Variants in CYP2C19 observed in about 807,000 individuals in gnomAD.
The protein encoded by CYP2C19 is cytochrome P450 2C19.
CYP2C19 carries 59 observed loss-of-function variants against 40.9 expected under a neutral mutation model. That is an observed-to-expected ratio of 1.44 (90% CI 1.17 to 1.79). The LOEUF (loss-of-function observed/expected upper bound fraction) is 1.79. CYP2C19 is among the 40% of genes most tolerant of loss of function. The probability of loss-of-function intolerance (pLI) is 0.00; values close to 1 mark genes in which losing one functional copy is unlikely to be tolerated. For synonymous variants in CYP2C19, 253 were observed against 208.7 expected, an observed-to-expected ratio of 1.21 and a Z score of -1.83; for missense variants, 754 against 596.9, an observed-to-expected ratio of 1.26 and a Z score of -2.74.
intron 5 of CYP2C19, among the ~76,000 whole-genome samples, chr10:94,788,884 A>G (rs1209807935): frequency 6.6e-6 from 1 of 152,176 alleles, no homozygotes; most frequent in Admixed American, 6.5e-5. Context: ...TGCTGGGTCA[A>G]ATGTTATTTC....
intron 5 of CYP2C19, among the ~76,000 whole-genome samples, chr10:94,813,468 G>A (rs1848956063): frequency 6.6e-6 from 1 of 152,006 alleles, no homozygotes; most frequent in Non-Finnish European, 1.5e-5. Context: ...GTCTTTCACA[G>A]ATGCAACTGC....
chr10:94,851,443 CAAATAAATAAAT>C (rs71031598), intron 8 of CYP2C19, among the ~76,000 whole-genome samples: 45,855 of 142,944 alleles, frequency 0.32, 8,503 homozygotes, highest in Admixed American at 0.45. Context: ...TACCAGCACA[CAAATAAATAAAT>C]AAATAAATAA....
chr10:94,768,356 T>C (rs1288814349), intron 1 of CYP2C19, among the ~76,000 whole-genome samples: 5 of 152,078 alleles, frequency 3.3e-5, no homozygotes, highest in African/African-American at 1.2e-4. Context: ...CTTCGGTATA[T>C]AGGTTAAGGT....
At chr10:94,837,690 G>A (rs532309978) in intron 6 of CYP2C19, among the ~76,000 whole-genome samples, 1 of 152,274 alleles carries the variant, frequency 6.6e-6, no homozygotes, top group East Asian at 1.9e-4. Flanking sequence ...GTAAGACTGA[G>A]AAGGTTGCAC....
chr10:94,763,409 C>G (rs1329015496), intron 1 of CYP2C19, among the ~76,000 whole-genome samples: 1 of 151,976 alleles, frequency 6.6e-6, no homozygotes, highest in African/African-American at 2.4e-5. Flanking sequence ...TTTAATTAAG[C>G]TATAGCTACA....
At chr10:94,771,552 G>A (rs559176938) in intron 1 of CYP2C19, among the ~76,000 whole-genome samples, 8 of 152,202 alleles carry the variant, frequency 5.3e-5, no homozygotes, top group African/African-American at 1.9e-4. Context: ...AGGCCATAGT[G>A]CAGAAAAAAA....
chr10:94,852,207 G>T (rs1337257184), intron 8 of CYP2C19, among the ~76,000 whole-genome samples: 1 of 151,616 alleles, frequency 6.6e-6, no homozygotes, highest in African/African-American at 2.4e-5. Context: ...TTATCCCATA[G>T]GACAGACAGG....
chr10:94,821,326 T>C (rs1305233645), intron 6 of CYP2C19, among the ~76,000 whole-genome samples: 1 of 152,196 alleles, frequency 6.6e-6, no homozygotes, highest in Admixed American at 6.5e-5. Context: ...TTGTTAAAGA[T>C]AATTTTTCTC....
chr10:94,822,521 A>G (rs1031383433), intron 6 of CYP2C19, among the ~76,000 whole-genome samples: 3 of 152,166 alleles, frequency 2.0e-5, no homozygotes, highest in Admixed American at 1.3e-4. Flanking sequence ...TGTGAATAGC[A>G]CTACAGTGAA....
intron 1 of CYP2C19, 146 bp from the exon 2 acceptor site, chr10:94,774,912 A>C (rs922841859): frequency 2.4e-6 from 2 of 844,570 alleles, no homozygotes; most frequent in East Asian, 5.3e-5. Context: ...AATCATCATC[A>C]TGTTTATATA....
chr10:94,838,732 T>G (rs1849444422), intron 6 of CYP2C19, among the ~76,000 whole-genome samples: 1 of 152,118 alleles, frequency 6.6e-6, no homozygotes, highest in South Asian at 2.1e-4. Flanking sequence ...CTGTAGGGCA[T>G]AAATCACACT....
intron 1 of CYP2C19, among the ~76,000 whole-genome samples, chr10:94,765,643 G>T (rs1453049286): frequency 6.6e-6 from 1 of 152,094 alleles, no homozygotes; most frequent in Non-Finnish European, 1.5e-5. Flanking sequence ...TACTAGTGGT[G>T]GGGGAGCTGC....
intron 6 of CYP2C19, among the ~76,000 whole-genome samples, chr10:94,824,162 A>G (rs1481844728): frequency 1.3e-5 from 2 of 152,226 alleles, no homozygotes; most frequent in Admixed American, 6.5e-5. Context: ...TTACCAGAGA[A>G]CCATATTTAT....
At chr10:94,826,869 G>A (rs1442718464) in intron 6 of CYP2C19, among the ~76,000 whole-genome samples, 1 of 149,754 alleles carries the variant, frequency 6.7e-6, no homozygotes, top group East Asian at 1.9e-4. Context: ...TTAGCATGAA[G>A]GGCTGTTGAA....
chr10:94,815,719 C>A (rs1466975305), intron 5 of CYP2C19, among the ~76,000 whole-genome samples: 2 of 152,120 alleles, frequency 1.3e-5, no homozygotes, highest in African/African-American at 2.4e-5. Context: ...CTGTTGCCTC[C>A]CATATAGATT....
rs1849693260 is a variant in CYP2C19, at chr10:94,853,862, T to G, written c.*948T>G. 6.6e-6 allele frequency among the ~76,000 whole-genome samples: 1 copy of G among 151,828 alleles called. No homozygotes were observed. Among genetic ancestry groups the G allele is most frequent in the Non-Finnish European group, 1.5e-5 (1 of 67,972 alleles). ...TGCCTGGTCTAATGTTACTTTAAAG[T>G]GTCATTACTTTATCTCTAAATAAAG... is the stretch of plus-strand genomic sequence containing the variant. On this transcript the variant is annotated 3_prime_UTR_variant, in exon 9 of 9. Coordinates refer to ENST00000371321, the MANE Select transcript of CYP2C19 (RefSeq NM_000769.4).
At position 94,852,818 on chromosome 10, in the gene CYP2C19, A is replaced by C; in HGVS notation, c.1377A>C (p.Lys459Asn). Residue 459 changes from lysine to asparagine, a missense_variant, in exon 9 of 9, where the codon AAA (lysine) becomes AAC (asparagine). Transcript: ENST00000371321. ...LTFILQNFNL[K>N]SLIDPKDLDT... Reference sequence around the variant, plus strand: ...TCATTTTACAGAACTTTAACCTGAAATCTCTGATTGACCCAAAGGACCTTG... The same window carrying C: ...TCATTTTACAGAACTTTAACCTGAACTCTCTGATTGACCCAAAGGACCTTG... 6.2e-7 allele frequency: 1 copy of C among 1,613,988 alleles called. No homozygotes were observed. The highest frequency in any genetic ancestry group is 8.5e-7 in the Non-Finnish European group (1 of 1,179,960).
intron 8 of CYP2C19, among the ~76,000 whole-genome samples, chr10:94,850,896 T>C (rs1444231557): frequency 1.3e-5 from 2 of 152,194 alleles, no homozygotes; most frequent in South Asian, 2.1e-4. Flanking sequence ...GCAATGTTTT[T>C]TGGATGTTTG....
At chr10:94,766,122 G>C (rs564399711) in intron 1 of CYP2C19, among the ~76,000 whole-genome samples, 1 of 152,072 alleles carries the variant, frequency 6.6e-6, no homozygotes, top group African/African-American at 2.4e-5. Flanking sequence ...TAATGAAGGT[G>C]GTAGGTTAAT....
Sources: allele counts gnomAD v4.1 joint callset (sites outside exome capture counted in the v4.1 genomes callset), GRCh38; gene constraint gnomAD v4.1.1; transcripts MANE v1.5; gene names NCBI Gene and HGNC (gene_info 2026-07-23, HGNC 2026-07-21).